SLC41A2: variants seen among roughly 807,000 people sequenced by gnomAD.
SLC41A2 encodes SLC41A1-like 1.
In SLC41A2, 32 loss-of-function variants were observed where a neutral mutation model predicts 58.3. The observed-to-expected ratio is 0.55, with a 90% confidence interval of 0.41 to 0.74. The LOEUF (loss-of-function observed/expected upper bound fraction) is 0.74, where lower values mean the gene tolerates loss of function less well. Among genes scored for constraint, SLC41A2 ranks in the 30% least tolerant of loss-of-function variants. The pLI is 0.00. For synonymous variants in SLC41A2, 190 were observed against 235.0 expected (o/e 0.81, Z 1.75); for missense variants, 514 against 680.6 (o/e 0.76, Z 2.72).
chr12:104,811,289 G>A (rs59079144), intron 10 of SLC41A2, among the ~76,000 whole-genome samples: 3,712 of 152,190 alleles, frequency 0.024, 98 homozygotes, highest in East Asian at 0.15. Flanking sequence ...GACACAGAAT[G>A]GCTAAATTCA....
intron 10 of SLC41A2, among the ~76,000 whole-genome samples, chr12:104,808,821 T>C (rs1448161806): frequency 6.6e-6 from 1 of 152,238 alleles, no homozygotes; most frequent in East Asian, 1.9e-4. Context: ...AAGGAATTTA[T>C]CCATTTCTTC....
At chr12:104,900,160 T>C (rs2045492484) in intron 3 of SLC41A2, among the ~76,000 whole-genome samples, 1 of 152,182 alleles carries the variant, frequency 6.6e-6, no homozygotes, top group Non-Finnish European at 1.5e-5. Context: ...TCACAAACTT[T>C]GCAATTCTTA....
At chr12:104,943,205 C>G (rs1215174656) in intron 1 of SLC41A2, among the ~76,000 whole-genome samples, 1 of 151,964 alleles carries the variant, frequency 6.6e-6, no homozygotes, top group Non-Finnish European at 1.5e-5. Flanking sequence ...AGAAAGGGAG[C>G]CAATGTATCA....
At chr12:104,936,040 T>TA (rs35130202) in intron 1 of SLC41A2, among the ~76,000 whole-genome samples, 68,350 of 144,432 alleles carry the variant, frequency 0.47, 16,064 homozygotes, top group Middle Eastern at 0.54. Flanking sequence ...GAGACTGTCT[T>TA]AAAAAAAAAA....
At chr12:104,954,779 C>CT (rs981819264) in intron 1 of SLC41A2, among the ~76,000 whole-genome samples, 2 of 152,120 alleles carry the variant, frequency 1.3e-5, no homozygotes, top group Non-Finnish European at 2.9e-5. Context: ...GCTTCACATG[C>CT]TTTTTATCAG....
At chr12:104,813,914 G>T (rs1258274341) in intron 10 of SLC41A2, among the ~76,000 whole-genome samples, 2 of 150,784 alleles carry the variant, frequency 1.3e-5, no homozygotes, top group African/African-American at 5.0e-5. Context: ...GGGATTACAG[G>T]CTTGAGCCTC....
At chr12:104,820,960 C>G (rs1049594959) in intron 10 of SLC41A2, among the ~76,000 whole-genome samples, 3 of 152,116 alleles carry the variant, frequency 2.0e-5, no homozygotes, top group African/African-American at 7.2e-5. Flanking sequence ...CAGGGAATTT[C>G]TATATCACTC....
At chr12:104,918,858 C>T (rs774422323) in intron 2 of SLC41A2, among the ~76,000 whole-genome samples, 53 of 151,936 alleles carry the variant, frequency 3.5e-4, no homozygotes, top group Non-Finnish European at 6.9e-4. Context: ...CCCATGTAAC[C>T]CTTACCCCAT....
intron 2 of SLC41A2, among the ~76,000 whole-genome samples, chr12:104,923,356 C>A (rs2046690456): frequency 1.5e-5 from 2 of 131,276 alleles, no homozygotes; most frequent in African/African-American, 5.9e-5. Flanking sequence ...AGTGAGACTC[C>A]ATCTCAAAAA....
At chr12:104,876,162 T>A (rs1314032873) in intron 6 of SLC41A2, among the ~76,000 whole-genome samples, 2 of 152,124 alleles carry the variant, frequency 1.3e-5, no homozygotes, top group East Asian at 3.9e-4. Flanking sequence ...TCTTCTCTTT[T>A]TTTTTCTTAG....
intron 1 of SLC41A2, among the ~76,000 whole-genome samples, chr12:104,942,673 T>C (rs941805076): frequency 1.3e-5 from 2 of 152,230 alleles, no homozygotes; most frequent in Non-Finnish European, 2.9e-5. Flanking sequence ...CAGCTTTTTT[T>C]ACTTTAGCAG....
intron 2 of SLC41A2, among the ~76,000 whole-genome samples, chr12:104,922,039 A>G (rs2046620100): frequency 6.6e-6 from 1 of 152,218 alleles, no homozygotes; most frequent in South Asian, 2.1e-4. Flanking sequence ...CACTAAAAAT[A>G]AAAAGCAGCA....
chr12:104,849,288 G>A (rs771701221), intron 8 of SLC41A2, among the ~76,000 whole-genome samples: 2 of 152,114 alleles, frequency 1.3e-5, no homozygotes, highest in African/African-American at 4.8e-5. Context: ...TTTTCAACAC[G>A]TATAATTGTC....
At chr12:104,918,194 G>C (rs1204808079) in intron 2 of SLC41A2, among the ~76,000 whole-genome samples, 2 of 151,914 alleles carry the variant, frequency 1.3e-5, no homozygotes, top group Admixed American at 1.3e-4. Flanking sequence ...TGCACTGCTT[G>C]TGAAAACGTA....
At chr12:104,930,073 G>A (rs2046994467) in intron 1 of SLC41A2, among the ~76,000 whole-genome samples, 1 of 152,136 alleles carries the variant, frequency 6.6e-6, no homozygotes, top group Non-Finnish European at 1.5e-5. Context: ...TCCTTCTGAG[G>A]AACATTTTTA....
chr12:104,879,899 C>T (rs996065411), intron 6 of SLC41A2, among the ~76,000 whole-genome samples: 4 of 152,108 alleles, frequency 2.6e-5, no homozygotes, highest in African/African-American at 9.7e-5. Flanking sequence ...TCTTCCTATC[C>T]ATGAGCATGG....
At chr12:104,866,399 C>A (rs2043454801) in intron 7 of SLC41A2, 33 bp downstream of exon 7, 2 of 1,587,810 alleles carry the variant, frequency 1.3e-6, no homozygotes, top group Non-Finnish European at 8.6e-7. Context: ...CACACACACA[C>A]ACACACACAC....
intron 10 of SLC41A2, among the ~76,000 whole-genome samples, chr12:104,820,796 C>G (rs377727961): frequency 2.6e-5 from 4 of 152,222 alleles, no homozygotes; most frequent in African/African-American, 9.6e-5. Context: ...GTGCCCGCCA[C>G]CATGCCCAGC....
At chr12:104,901,295 A>C (rs899954325) in intron 3 of SLC41A2, among the ~76,000 whole-genome samples, 4 of 152,148 alleles carry the variant, frequency 2.6e-5, no homozygotes, top group Non-Finnish European at 5.9e-5. Flanking sequence ...CAAACAATAG[A>C]AAAACTCAAC....
Sources: allele counts gnomAD v4.1 joint callset (sites outside exome capture counted in the v4.1 genomes callset), GRCh38; gene constraint gnomAD v4.1.1; transcripts MANE v1.5; gene names NCBI Gene and HGNC (gene_info 2026-07-23, HGNC 2026-07-21).